The following TMCC1 variants were observed in gnomAD, a reference collection of about 807,000 sequenced individuals.
The protein encoded by TMCC1 is transmembrane and coiled-coil domains protein 1.
A neutral mutation model predicts 52.4 loss-of-function variants in TMCC1; 15 were observed. The observed-to-expected ratio is 0.29, with a 90% CI of 0.19 to 0.44. TMCC1 has a LOEUF of 0.44. Ranked by LOEUF, TMCC1 falls within the 20% of genes least tolerant of loss-of-function variation. The pLI is 1.00. For synonymous variants in TMCC1, 279 were observed against 301.9 expected (o/e 0.92, Z 0.79); for missense variants, 503 against 806.0 (o/e 0.62, Z 4.55).
chr3:129,801,202 C>T (rs1345559600), intron 4 of TMCC1, among the ~76,000 whole-genome samples: 2 of 152,148 alleles, frequency 1.3e-5, no homozygotes, highest in East Asian at 3.9e-4. Context: ...GCTAGGATTA[C>T]AGGCGTGAGC....
intron 2 of TMCC1, among the ~76,000 whole-genome samples, chr3:129,837,783 T>C (rs902427845): frequency 2.6e-5 from 4 of 151,734 alleles, no homozygotes; most frequent in African/African-American, 7.3e-5. Flanking sequence ...AGACAACATA[T>C]GAGATCAGAC....
At chr3:129,879,378 T>A (rs148339427) in intron 2 of TMCC1, among the ~76,000 whole-genome samples, 1 of 152,092 alleles carries the variant, frequency 6.6e-6, no homozygotes, top group East Asian at 1.9e-4. Flanking sequence ...GAATGTGAGA[T>A]TGCTGTGAGC....
intron 4 of TMCC1, among the ~76,000 whole-genome samples, chr3:129,720,795 A>G (rs553501577): frequency 6.6e-6 from 1 of 152,254 alleles, no homozygotes; most frequent in South Asian, 2.1e-4. Flanking sequence ...CCTGGGCTCA[A>G]GCGATTCTCT....
In TMCC1 at chr3:129,861,471, T is replaced by C. The variant is rs375408796; in HGVS notation, c.-184+18838A>G. Among the ~76,000 whole-genome samples the C allele has an allele frequency of 3.9e-5, 6 of 152,046 alleles. No homozygotes were observed. The East Asian group carries it at 1.2e-3, about 29-fold the overall frequency. On this transcript the variant is annotated intron_variant, in intron 2 of 6. Coordinates refer to ENST00000393238, the MANE Select transcript of TMCC1 (RefSeq NM_001017395.5). The stretch of plus-strand genomic sequence containing the variant: ...CAACAACAAAAAAAGAATTATTACT[T>C]ATGGCAAGAACCTTTCAAGTGATTT...
chr3:129,676,400 G>A (rs1312975981), intron 4 of TMCC1, among the ~76,000 whole-genome samples: 3 of 152,212 alleles, frequency 2.0e-5, no homozygotes, highest in Non-Finnish European at 4.4e-5. Context: ...ATCTGTTGCT[G>A]TAACAGACTA....
chr3:129,759,643 GT>G (rs2053331634), intron 4 of TMCC1, among the ~76,000 whole-genome samples: 3 of 145,034 alleles, frequency 2.1e-5, no homozygotes, highest in Non-Finnish European at 4.5e-5. Flanking sequence ...CTGGCCTCAA[GT>G]GATCCTCCTG....
intron 4 of TMCC1, among the ~76,000 whole-genome samples, chr3:129,812,311 T>G (rs951081817): frequency 8.9e-6 from 1 of 112,692 alleles, no homozygotes; most frequent in Non-Finnish European, 1.6e-5. Context: ...CACTCCAGCC[T>G]AGGCAACAGA....
rs577887567 is a variant in TMCC1, at chr3:129,877,627, T to C, written c.-184+2682A>G. Among the ~76,000 whole-genome samples the C allele has an allele frequency of 1.2e-4, 17 of 147,810 alleles. No individual in the cohort carries two copies. In the South Asian group the frequency reaches 1.7e-3, roughly 15 times the overall value. ...TGTTTACTCAACATCCCTAAGTCTT[T>C]TTTTTTTTTTTTTTTTTGAGACAGA... On this transcript the variant is annotated intron_variant, in intron 2 of 6. Coordinates refer to ENST00000393238, the MANE Select transcript of TMCC1 (RefSeq NM_001017395.5).
At chr3:129,831,279 GA>G (rs1250367653) in intron 3 of TMCC1, among the ~76,000 whole-genome samples, 9 of 152,080 alleles carry the variant, frequency 5.9e-5, no homozygotes, top group Non-Finnish European at 1.2e-4. Context: ...TGATTACAAG[GA>G]AATGTTAGCA....
At chr3:129,795,160 G>A (rs1393699211) in intron 4 of TMCC1, among the ~76,000 whole-genome samples, 1 of 152,156 alleles carries the variant, frequency 6.6e-6, no homozygotes, top group African/African-American at 2.4e-5. Flanking sequence ...GGCCTCCTGA[G>A]GTAATTGCCC....
At chr3:129,753,855 G>A (rs1453823135) in intron 4 of TMCC1, among the ~76,000 whole-genome samples, 3 of 151,270 alleles carry the variant, frequency 2.0e-5, no homozygotes, top group Admixed American at 2.0e-4. Context: ...CAATAAGGCA[G>A]GAAAAATAAA....
chr3:129,856,925 AT>A (rs370640230), intron 2 of TMCC1, among the ~76,000 whole-genome samples: 13 of 148,242 alleles, frequency 8.8e-5, no homozygotes, highest in South Asian at 2.1e-4. Context: ...GAGACATGGG[AT>A]TTTTTTTTTT....
intron 4 of TMCC1, among the ~76,000 whole-genome samples, chr3:129,784,874 C>A (rs1219110654): frequency 4.0e-5 from 6 of 151,436 alleles, no homozygotes; most frequent in Admixed American, 3.3e-4. Flanking sequence ...TGAGGGAGAT[C>A]ACCTGAACCT....
chr3:129,834,082 G>GC (rs771968892), intron 2 of TMCC1, among the ~76,000 whole-genome samples: 1 of 152,176 alleles, frequency 6.6e-6, no homozygotes, highest in Non-Finnish European at 1.5e-5. Context: ...AAGAAAGACT[G>GC]CAATTACCAT....
At chr3:129,870,718 CGGGGGGGGGGG>C (rs56383150) in intron 2 of TMCC1, among the ~76,000 whole-genome samples, 470 of 13,906 alleles carry the variant, frequency 0.034, 172 homozygotes, top group Non-Finnish European at 0.08. Context: ...CGCGGGTTGG[CGGGGGGGGGGG>C]GGGGGGGGCG....
intron 4 of TMCC1, among the ~76,000 whole-genome samples, chr3:129,792,804 G>A (rs1355168750): frequency 6.6e-6 from 1 of 152,098 alleles, no homozygotes; most frequent in Non-Finnish European, 1.5e-5. Flanking sequence ...ATGAAAAAAG[G>A]CTACATCTTT....
chr3:129,686,776 T>C (rs924856335), intron 4 of TMCC1, among the ~76,000 whole-genome samples: 1 of 152,168 alleles, frequency 6.6e-6, no homozygotes, highest in Non-Finnish European at 1.5e-5. Flanking sequence ...AAAGCTTCTT[T>C]TAACAAGAAC....
chr3:129,775,268 G>A (rs2107711834), intron 4 of TMCC1, among the ~76,000 whole-genome samples: 1 of 152,124 alleles, frequency 6.6e-6, no homozygotes, highest in South Asian at 2.1e-4. Context: ...AACAAAGCAT[G>A]ACAACCCCAC....
chr3:129,839,170 T>C (rs1383073267), intron 2 of TMCC1, among the ~76,000 whole-genome samples: 1 of 152,218 alleles, frequency 6.6e-6, no homozygotes, highest in East Asian at 1.9e-4. Context: ...TTTTTTATTT[T>C]TCATTGCTCT....
Sources: gnomAD v4.1 joint callset for allele counts (sites outside exome capture counted in the v4.1 genomes callset) on GRCh38, gnomAD v4.1.1 for gene constraint, MANE v1.5 for transcripts, NCBI Gene and HGNC (gene_info 2026-07-23, HGNC 2026-07-21) for gene names.